NFIL3: variants seen among roughly 807,000 people sequenced by gnomAD.
NFIL3 encodes nuclear factor, interleukin 3 regulated, also known as nuclear factor interleukin-3-regulated protein.
A neutral mutation model predicts 10.0 loss-of-function variants in NFIL3; 5 were observed. The ratio of observed to expected loss-of-function variants is 0.50; its 90% CI spans 0.26 to 1.06. NFIL3 has a LOEUF of 1.06. Among genes scored for constraint, NFIL3 ranks in the 50% least tolerant of loss-of-function variants. NFIL3 has a pLI of 0.13. For missense variants in NFIL3, 436 were observed against 547.6 expected, an observed-to-expected ratio of 0.80 and a Z score of 2.03; for synonymous variants, 202 against 206.5, an observed-to-expected ratio of 0.98 and a Z score of 0.19.
chr9:91,437,635 C>T, the NFIL3 span, among the ~76,000 whole-genome samples: 13 of 152,306 alleles, frequency 8.5e-5, no homozygotes, highest in East Asian at 3.9e-4. Flanking sequence ...TACTTTGTGT[C>T]CTCTGACCTA....
At chr9:91,453,607 A>G in the NFIL3 span, among the ~76,000 whole-genome samples, 1 of 152,062 alleles carries the variant, frequency 6.6e-6, no homozygotes, top group Non-Finnish European at 1.5e-5. Flanking sequence ...AAACTATTTG[A>G]CCATTCGAGA....
At chr9:91,442,748 C>T in the NFIL3 span, among the ~76,000 whole-genome samples, 1 of 152,052 alleles carries the variant, frequency 6.6e-6, no homozygotes, top group Non-Finnish European at 1.5e-5. Context: ...ATGGTGGTGC[C>T]CAGAAGCTTG....
At chr9:91,427,457 T>C (rs1446477531), upstream of NFIL3, among the ~76,000 whole-genome samples, 1 of 152,204 alleles carries the variant, frequency 6.6e-6, no homozygotes, top group African/African-American at 2.4e-5. Context: ...AAAAGCCCTT[T>C]GGTGACCTCC....
chr9:91,471,662 C>G, the NFIL3 span, among the ~76,000 whole-genome samples: 3 of 151,958 alleles, frequency 2.0e-5, no homozygotes, highest in East Asian at 1.9e-4. Flanking sequence ...ATCCCTCCCC[C>G]CAAGTCTGTG....
chr9:91,460,768 G>A, the NFIL3 span, among the ~76,000 whole-genome samples: 2 of 152,150 alleles, frequency 1.3e-5, no homozygotes, highest in African/African-American at 4.8e-5. Context: ...TTATTAAATA[G>A]AGAAGTCAAA....
At chr9:91,480,631 C>T in the NFIL3 span, among the ~76,000 whole-genome samples, 2 of 152,062 alleles carry the variant, frequency 1.3e-5, no homozygotes, top group East Asian at 1.9e-4. Context: ...TAAAATTTGG[C>T]GATGGACTAC....
the NFIL3 span, among the ~76,000 whole-genome samples, chr9:91,438,933 G>T: frequency 3.9e-5 from 6 of 152,158 alleles, no homozygotes; most frequent in African/African-American, 1.4e-4. Context: ...TTATAGCTTT[G>T]CAATATAATT....
At chr9:91,472,333 A>G in the NFIL3 span, among the ~76,000 whole-genome samples, 3 of 152,306 alleles carry the variant, frequency 2.0e-5, no homozygotes, top group African/African-American at 7.2e-5. Flanking sequence ...CATCACTTTC[A>G]GGTACACCAA....
At chr9:91,415,542 C>G (rs757846211) in intron 1 of NFIL3, among the ~76,000 whole-genome samples, 2 of 152,080 alleles carry the variant, frequency 1.3e-5, no homozygotes, top group Non-Finnish European at 2.9e-5. Context: ...TTTTGTGTCA[C>G]TTTCATTTCT....
chr9:91,428,729 A>G (rs1833894742), upstream of NFIL3, among the ~76,000 whole-genome samples: 1 of 152,262 alleles, frequency 6.6e-6, no homozygotes, highest in Non-Finnish European at 1.5e-5. Flanking sequence ...GGAAAAGACC[A>G]GAAAGAGGTG....
chr9:91,421,980 C>CA (rs1475522766), intron 1 of NFIL3, among the ~76,000 whole-genome samples: 2 of 152,034 alleles, frequency 1.3e-5, no homozygotes, highest in South Asian at 2.1e-4. Context: ...GGTATCCAGA[C>CA]AAAAAAACAA....
chr9:91,479,433 T>C, the NFIL3 span, among the ~76,000 whole-genome samples: 1 of 152,202 alleles, frequency 6.6e-6, no homozygotes, highest in Admixed American at 6.5e-5. Flanking sequence ...CTTGGTGACT[T>C]TGTTTACACT....
chr9:91,455,432 TTAA>T, the NFIL3 span, among the ~76,000 whole-genome samples: 1 of 152,196 alleles, frequency 6.6e-6, no homozygotes, highest in Admixed American at 6.5e-5. Flanking sequence ...CACTTGTGGC[TTAA>T]TGATGTTTAT....
At chr9:91,448,253 A>G in the NFIL3 span, among the ~76,000 whole-genome samples, 3 of 152,014 alleles carry the variant, frequency 2.0e-5, no homozygotes, top group Non-Finnish European at 2.9e-5. Flanking sequence ...AACTTACTTT[A>G]AAAAAAGGTG....
chr9:91,409,454 G>A lies in NFIL3; in HGVS notation c.1281C>T (p.Asp427=). Residue 427 remains aspartate, a synonymous_variant, in exon 2 of 2, where the codon GAC becomes GAT. Transcript: ENST00000297689. ...EMKDSGYKVS[D]PENLYLKQGI... ...CCTGCTTCAAATACAAGTTCTCTGG[G>A]TCAGAAACTTTGTAGCCACTGTCTT... 6.2e-7 allele frequency: 1 copy of A among 1,614,176 alleles called. No homozygotes were observed. Among genetic ancestry groups the A allele is most frequent in the Non-Finnish European group, 8.5e-7 (1 of 1,180,044 alleles).
At chr9:91,481,171 A>T in the NFIL3 span, among the ~76,000 whole-genome samples, 2 of 152,350 alleles carry the variant, frequency 1.3e-5, no homozygotes, top group East Asian at 3.9e-4. Context: ...CTCCCAAGGG[A>T]TAATACATTT....
chr9:91,411,147 G>C (rs1833540336), intron 1 of NFIL3, among the ~76,000 whole-genome samples: 1 of 152,170 alleles, frequency 6.6e-6, no homozygotes, highest in African/African-American at 2.4e-5. Flanking sequence ...ATGTGATCCA[G>C]GAAAGTGAGG....
chr9:91,419,920 T>C (rs2118018920), intron 1 of NFIL3, among the ~76,000 whole-genome samples: 1 of 152,308 alleles, frequency 6.6e-6, no homozygotes, highest in East Asian at 1.9e-4. Flanking sequence ...TCAGGCTACA[T>C]ATACCCCCTA....
At chr9:91,416,833 T>A (rs1189430122) in intron 1 of NFIL3, among the ~76,000 whole-genome samples, 1 of 152,216 alleles carries the variant, frequency 6.6e-6, no homozygotes, top group African/African-American at 2.4e-5. Flanking sequence ...TACCCTATTG[T>A]TTTTAATTAA....
Sources: gnomAD v4.1 joint callset for allele counts (sites outside exome capture counted in the v4.1 genomes callset) on GRCh38, gnomAD v4.1.1 for gene constraint, MANE v1.5 for transcripts, NCBI Gene and HGNC (gene_info 2026-07-23, HGNC 2026-07-21) for gene names.